Variants in STK32B observed in about 807,000 individuals in gnomAD.
STK32B encodes the protein serine/threonine-protein kinase 32B.
STK32B carries 43 observed loss-of-function variants against 52.6 expected under a neutral mutation model. The ratio of observed to expected loss-of-function variants is 0.82; its 90% CI spans 0.64 to 1.05. The LOEUF is 1.05. STK32B is among the 50% of genes least tolerant of loss of function. The pLI, the probability that STK32B is intolerant of heterozygous loss-of-function variation, is 0.00. For missense variants in STK32B, 621 were observed against 534.6 expected (o/e 1.16, Z -1.59); for synonymous variants, 238 against 204.3 (o/e 1.17, Z -1.41).
chr4:5,313,439 G>T (rs1216997791), intron 3 of STK32B, among the ~76,000 whole-genome samples: 1 of 150,958 alleles, frequency 6.6e-6, no homozygotes, highest in African/African-American at 2.5e-5. Flanking sequence ...TTCTCCCTAA[G>T]ATTGGGCACA....
chr4:5,454,304 A>G (rs1716299353), intron 7 of STK32B, among the ~76,000 whole-genome samples: 1 of 152,056 alleles, frequency 6.6e-6, no homozygotes, highest in Admixed American at 6.5e-5. Flanking sequence ...TTATTCTCTC[A>G]CAGTTCTGAA....
chr4:5,377,666 G>T (rs1346443159), intron 4 of STK32B, among the ~76,000 whole-genome samples: 1 of 152,136 alleles, frequency 6.6e-6, no homozygotes, highest in South Asian at 2.1e-4. Context: ...GGATCATGGG[G>T]GTGTCTTCTC....
intron 11 of STK32B, among the ~76,000 whole-genome samples, chr4:5,494,135 G>GTTAAC (rs1719991369): frequency 6.6e-6 from 1 of 152,120 alleles, no homozygotes; most frequent in Admixed American, 6.5e-5. Flanking sequence ...GGGTATCTTT[G>GTTAAC]TTAACTTTCT....
At chr4:5,070,763 A>T (rs768048118) in intron 1 of STK32B, among the ~76,000 whole-genome samples, 8 of 152,166 alleles carry the variant, frequency 5.3e-5, no homozygotes, top group Non-Finnish European at 1.0e-4. Context: ...GAAGCAAGTT[A>T]TTCTGGTTGG....
intron 3 of STK32B, among the ~76,000 whole-genome samples, chr4:5,253,538 G>A (rs1319108252): frequency 1.3e-5 from 2 of 152,002 alleles, no homozygotes; most frequent in African/African-American, 4.8e-5. Flanking sequence ...CTACTGCCCA[G>A]CCAAGTTTTG....
chr4:5,230,211 G>A (rs1443942898), intron 3 of STK32B, among the ~76,000 whole-genome samples: 1 of 46,992 alleles, frequency 2.1e-5, no homozygotes, highest in Non-Finnish European at 3.5e-5. Flanking sequence ...TTTTTTTTTA[G>A]TGGAGTCTTG....
rs1736261636 is a variant in STK32B at position 5,386,426 on chromosome 4, A to G, written c.435-11781A>G. 6.6e-6 allele frequency among the ~76,000 whole-genome samples: 1 copy of G among 152,114 alleles called. No homozygotes were observed. The highest frequency in any genetic ancestry group is 2.1e-4 in the South Asian group (1 of 4,822). On this transcript the variant is annotated intron_variant, in intron 4 of 11. Coordinates refer to ENST00000282908, the MANE Select transcript of STK32B (RefSeq NM_018401.3). The surrounding 1 kb of genome is among the most constrained non-coding windows in gnomAD (Gnocchi z 4.5). ...ACCATGGTAGAAGCAGGAAAAGGTA[A>G]TTCTTGATGGTCCAAGAGCACTGGC...
chr4:5,398,348 C>A lies in STK32B; in HGVS notation c.472+104C>A. On this transcript the variant is annotated intron_variant, in intron 5 of 11. Coordinates refer to ENST00000282908, the MANE Select transcript of STK32B (RefSeq NM_018401.3). This position sits in a 1 kb window ranked among gnomAD's most constrained non-coding sequence, Gnocchi z 4.9. ...TGGGTCTTGCTGAGTTGGACATTAG[C>A]ATTGGCTAGAAACCTTCTCTTGTTT... The A allele has an allele frequency of 8.3e-7, 1 of 1,211,682 alleles. No individual in the cohort carries two copies. The highest frequency in any genetic ancestry group is 1.2e-6 in the Non-Finnish European group (1 of 837,970). 75.1% of individuals were successfully genotyped at this position (1,211,682 alleles called of 1,614,324 possible).
At chr4:5,059,042 C>T (rs1414000773) in intron 1 of STK32B, among the ~76,000 whole-genome samples, 14 of 135,302 alleles carry the variant, frequency 1.0e-4, no homozygotes, top group Non-Finnish European at 1.8e-4. Context: ...TGAGCCACCA[C>T]GCCCAGCTGC....
chr4:5,370,126 C>T (rs946362909), intron 4 of STK32B, among the ~76,000 whole-genome samples: 3 of 151,636 alleles, frequency 2.0e-5, no homozygotes, highest in South Asian at 2.1e-4. Context: ...CCGCCTGCCT[C>T]GGCCTCCCAA....
rs1736242014 is a variant in STK32B, at chr4:5,386,137, C to T, written c.435-12070C>T. On this transcript the variant is annotated intron_variant, in intron 4 of 11. Transcript: ENST00000282908. The surrounding 1 kb of genome is among the most constrained non-coding windows in gnomAD (Gnocchi z 4.5). Reference sequence around the variant, plus strand: ...ACCCACAGCTCTTGGCCCACAGTTCCTGGCCTTTGTACTCCCTGGACTCTT... The same window carrying T: ...ACCCACAGCTCTTGGCCCACAGTTCTTGGCCTTTGTACTCCCTGGACTCTT... 6.6e-6 allele frequency among the ~76,000 whole-genome samples: 1 copy of T among 151,804 alleles called. No homozygotes were observed. The highest frequency in any genetic ancestry group is 2.1e-4 in the South Asian group (1 of 4,794).
intron 3 of STK32B, among the ~76,000 whole-genome samples, chr4:5,191,900 T>C (rs564401028): frequency 6.6e-6 from 1 of 152,346 alleles, no homozygotes; most frequent in South Asian, 2.1e-4. Context: ...CCCAGGTCCA[T>C]GACCGGCACG....
intron 1 of STK32B, among the ~76,000 whole-genome samples, chr4:5,074,150 C>T (rs780359577): frequency 6.6e-6 from 1 of 151,348 alleles, no homozygotes; most frequent in Non-Finnish European, 1.5e-5. Context: ...TAGCATTCCA[C>T]AGACTACCGG....
intron 7 of STK32B, among the ~76,000 whole-genome samples, chr4:5,454,474 C>T (rs115627470): frequency 4.6e-5 from 7 of 151,998 alleles, no homozygotes; most frequent in African/African-American, 9.7e-5. Context: ...CCCTTTTATA[C>T]GGACTCAGGT....
intron 1 of STK32B, among the ~76,000 whole-genome samples, chr4:5,092,289 C>T (rs974929468): frequency 2.0e-5 from 3 of 152,106 alleles, no homozygotes; most frequent in African/African-American, 4.8e-5. Flanking sequence ...CCCAGCACTT[C>T]GGGAGGCCGA....
intron 3 of STK32B, among the ~76,000 whole-genome samples, chr4:5,218,706 A>C (rs1024997944): frequency 1.3e-5 from 2 of 150,208 alleles, no homozygotes; most frequent in African/African-American, 4.8e-5. Flanking sequence ...TCTCTGGAAA[A>C]GTTCTAAAAA....
intron 3 of STK32B, among the ~76,000 whole-genome samples, chr4:5,172,443 G>A (rs1182335581): frequency 6.6e-6 from 1 of 151,878 alleles, no homozygotes; most frequent in Non-Finnish European, 1.5e-5. Flanking sequence ...TTGGCTGTGG[G>A]TTTGTCATAG....
chr4:5,473,704 C>T (rs927545658), intron 11 of STK32B, among the ~76,000 whole-genome samples: 2 of 152,338 alleles, frequency 1.3e-5, no homozygotes, highest in Middle Eastern at 3.4e-3. Context: ...TACAAATTAA[C>T]ATGACCACAA....
At chr4:5,035,557 T>C in the STK32B span, among the ~76,000 whole-genome samples, 3 of 152,294 alleles carry the variant, frequency 2.0e-5, no homozygotes, top group Non-Finnish European at 4.4e-5. Context: ...AGTGCTGCCC[T>C]GGCAGGTGAG....
Sources: allele counts gnomAD v4.1 joint callset (sites outside exome capture counted in the v4.1 genomes callset), GRCh38; gene constraint gnomAD v4.1.1; non-coding constraint Gnocchi (gnomAD v3.1); transcripts MANE v1.5; gene names NCBI Gene and HGNC (gene_info 2026-07-23, HGNC 2026-07-21).